The following EIF4ENIF1 variants were observed in gnomAD, a reference collection of about 807,000 sequenced individuals.
EIF4ENIF1 encodes the protein eukaryotic translation initiation factor 4E transporter.
A neutral mutation model predicts 110.5 loss-of-function variants in EIF4ENIF1; 23 were observed. That is an observed-to-expected ratio of 0.21 (90% CI 0.15 to 0.29). EIF4ENIF1 has a LOEUF of 0.29. Ranked by LOEUF, EIF4ENIF1 falls within the 10% of genes least tolerant of loss-of-function variation. The pLI is 1.00. For synonymous variants in EIF4ENIF1, 440 were observed against 437.0 expected (o/e 1.01, Z -0.09); for missense variants, 1,031 against 1,221.1 (o/e 0.84, Z 2.32).
At position 31,441,974 on chromosome 22, in the gene EIF4ENIF1, C is replaced by G. The variant is rs189890762; in HGVS notation, c.2351G>C (p.Arg784Pro). Residue 784 changes from arginine to proline, a missense_variant, in exon 17 of 19, where the codon CGA (arginine) becomes CCA (proline). Physicochemically the swap from Arg to Pro is moderately radical, Grantham distance 103. Around this residue, in one of 3 missense-constraint regions of EIF4ENIF1, gnomAD observed 309 missense variants for 299.1 expected, o/e 1.03. Transcript: ENST00000330125. Reference protein sequence around the residue: ...ANRYTKEQDYRPKATGRKTPT... With the variant: ...ANRYTKEQDYPPKATGRKTPT... ...TGTTTTTCTCCCAGTTGCTTTAGGT[C>G]GATAATCTTGTTCTTTGGTGTAACG... 3.7e-6 allele frequency: 6 copies of G among 1,613,994 alleles called. No individual in the cohort carries two copies. The South Asian group carries it at 6.6e-5, about 18-fold the overall frequency.
chr22:31,464,699 A>AATATATATATATATAT (rs1230573468), intron 4 of EIF4ENIF1, among the ~76,000 whole-genome samples: 1 of 39,126 alleles, frequency 2.6e-5, no homozygotes. Flanking sequence ...AAAAAAAAAA[A>AATATATATATATATAT]ATATATATAT....
At chr22:31,462,479 C>T (rs1188648261) in intron 6 of EIF4ENIF1, among the ~76,000 whole-genome samples, 5 of 128,244 alleles carry the variant, frequency 3.9e-5, no homozygotes, top group Non-Finnish European at 8.3e-5. Context: ...AGCGAGACTC[C>T]GTCTCAAAAA....
At chr22:31,449,053 C>T (rs1449113298) in intron 12 of EIF4ENIF1, among the ~76,000 whole-genome samples, 1 of 152,182 alleles carries the variant, frequency 6.6e-6, no homozygotes, top group Admixed American at 6.5e-5. Flanking sequence ...CTCTGTCGCC[C>T]AGGCTGGAGT....
At chr22:31,451,145 T>G (rs1031038591) in intron 10 of EIF4ENIF1, 3 of 152,234 alleles carry the variant, frequency 2.0e-5, no homozygotes, top group African/African-American at 7.2e-5. Flanking sequence ...CCTCCCAAAG[T>G]GCTGGCTAAA....
intron 2 of EIF4ENIF1, among the ~76,000 whole-genome samples, chr22:31,487,611 G>A (rs903572668): frequency 5.3e-5 from 8 of 151,960 alleles, no homozygotes; most frequent in African/African-American, 9.7e-5. Context: ...GCAACATGGC[G>A]AATTCCCATC....
At chr22:31,484,624 G>C (rs1321093681) in intron 2 of EIF4ENIF1, among the ~76,000 whole-genome samples, 1 of 152,008 alleles carries the variant, frequency 6.6e-6, no homozygotes, top group Non-Finnish European at 1.5e-5. Flanking sequence ...ACCTGAGGTC[G>C]GGAGTTTGAC....
intron 10 of EIF4ENIF1, among the ~76,000 whole-genome samples, chr22:31,453,608 G>C (rs1026380143): frequency 6.6e-6 from 1 of 151,974 alleles, no homozygotes; most frequent in Non-Finnish European, 1.5e-5. Context: ...CCTGACTTCA[G>C]GTGATCTGCC....
intron 14 of EIF4ENIF1, among the ~76,000 whole-genome samples, chr22:31,445,285 G>A (rs1215201199): frequency 3.4e-5 from 5 of 145,236 alleles, no homozygotes; most frequent in African/African-American, 4.8e-5. Context: ...TGTGACACTC[G>A]TTCAAATCAA....
chr22:31,475,254 T>C (rs893277420), intron 2 of EIF4ENIF1, among the ~76,000 whole-genome samples: 1 of 141,444 alleles, frequency 7.1e-6, no homozygotes, highest in Non-Finnish European at 1.6e-5. Flanking sequence ...ACCTAAAGGC[T>C]GTTCAAAATT....
In EIF4ENIF1 at chr22:31,442,112, A is replaced by T; in HGVS notation, c.2213T>A (p.Leu738His). The T allele has an allele frequency of 6.3e-7, 1 of 1,599,856 alleles. No individual in the cohort carries two copies. Among genetic ancestry groups the T allele is most frequent in the Non-Finnish European group, 8.5e-7 (1 of 1,170,832 alleles). ...ACTGGGTACAGAGCTGGATGACAGG[A>T]GGTTTTCTGTGAGGAACCAAACAAA... ...EDTQKASEEN[L>H]LSSSSVPSAD... Residue 738 changes from leucine (L) to histidine (H), a missense_variant, in exon 17 of 19, where the codon CTC (leucine) becomes CAC (histidine). Leu to His is a moderately conservative substitution (Grantham distance 99). Around this residue, in one of 3 missense-constraint regions of EIF4ENIF1, gnomAD observed 309 missense variants for 299.1 expected, o/e 1.03. Transcript: ENST00000330125.
In EIF4ENIF1 at chr22:31,439,730, A is replaced by C. The variant is rs1290940799; in HGVS notation, c.*150T>G. 1 of 1,093,508 alleles carries C rather than the reference A, an allele frequency of 9.1e-7. No individual in the cohort carries two copies. Among genetic ancestry groups the C allele is most frequent in the East Asian group, 2.6e-5 (1 of 38,718 alleles). 67.7% of individuals were successfully genotyped at this position (1,093,508 alleles called of 1,614,324 possible). On this transcript the variant is annotated 3_prime_UTR_variant, in exon 19 of 19. Transcript: ENST00000330125. ...CGACTGGTTAAGATCCTTCCATCATAATGCGGACCACACCAGATGCATGGG... is the reference window on the plus strand; with the variant it reads ...CGACTGGTTAAGATCCTTCCATCATCATGCGGACCACACCAGATGCATGGG...
chr22:31,439,256 G>A (rs1351612370), downstream of EIF4ENIF1: 1 of 152,626 alleles, frequency 6.6e-6, no homozygotes, highest in African/African-American at 2.4e-5. Flanking sequence ...GCTGCAGTGA[G>A]CCACGATTGC....
At position 31,441,937 on chromosome 22, in the gene EIF4ENIF1, T is replaced by C; in HGVS notation, c.2388A>G (p.Ala796=). ...GAAAAGGTGTTGTAGGAACTGGGGATGCCAAGGTGGGTGTTTTTCTCCCAG... is the reference window on the plus strand; with the variant it reads ...GAAAAGGTGTTGTAGGAACTGGGGACGCCAAGGTGGGTGTTTTTCTCCCAG... ...KATGRKTPTL[A]SPVPTTPFLR... is the part of the protein sequence containing the mutation. Residue 796 remains alanine (A), a synonymous_variant, in exon 17 of 19, where the codon GCA becomes GCG. Transcript: ENST00000330125. The C allele has an allele frequency of 6.2e-7, 1 of 1,614,196 alleles. No individual in the cohort carries two copies. Among genetic ancestry groups the C allele is most frequent in the Non-Finnish European group, 8.5e-7 (1 of 1,180,024 alleles).
chr22:31,456,491 G>A (rs1411474467), intron 7 of EIF4ENIF1, among the ~76,000 whole-genome samples: 1 of 151,730 alleles, frequency 6.6e-6, no homozygotes, highest in Non-Finnish European at 1.5e-5. Flanking sequence ...CCAAAGTGCT[G>A]GGATTACAAG....
intron 2 of EIF4ENIF1, among the ~76,000 whole-genome samples, chr22:31,474,521 G>T (rs139893935): frequency 5.5e-5 from 8 of 144,458 alleles, no homozygotes; most frequent in South Asian, 2.2e-4. Context: ...ACTGTCATAC[G>T]TTCTAGCTTA....
intron 6 of EIF4ENIF1, among the ~76,000 whole-genome samples, chr22:31,460,900 G>T (rs1039365239): frequency 6.6e-6 from 1 of 152,124 alleles, no homozygotes; most frequent in African/African-American, 2.4e-5. Context: ...AGCTAAGATC[G>T]TGCCACTGCA....
At chr22:31,488,860 C>T (rs2052146261) in intron 1 of EIF4ENIF1, 115 bp from the exon 2 acceptor site, 1 of 1,173,908 alleles carries the variant, frequency 8.5e-7, no homozygotes, top group East Asian at 2.6e-5. Flanking sequence ...GTGTTAAAAA[C>T]AAGTCCCCAC....
chr22:31,477,933 T>C (rs1216404114), intron 2 of EIF4ENIF1, among the ~76,000 whole-genome samples: 2 of 152,222 alleles, frequency 1.3e-5, no homozygotes, highest in African/African-American at 2.4e-5. Context: ...TTTGAAACCA[T>C]ATGGAAAATG....
intron 3 of EIF4ENIF1, among the ~76,000 whole-genome samples, chr22:31,470,120 C>T (rs898233656): frequency 5.6e-5 from 8 of 143,604 alleles, no homozygotes; most frequent in Non-Finnish European, 7.5e-5. Context: ...GCCAAGATTG[C>T]GCCATTGCAC....
Sources: gnomAD v4.1 joint callset for allele counts (sites outside exome capture counted in the v4.1 genomes callset) on GRCh38, gnomAD v4.1.1 for gene constraint, gnomAD v4.1.1 regional missense constraint, MANE v1.5 for transcripts, NCBI Gene and HGNC (gene_info 2026-07-23, HGNC 2026-07-21) for gene names.